Variants in KCTD8 observed in about 807,000 individuals in gnomAD.
The protein encoded by KCTD8 is potassium channel tetramerization domain containing 8.
Under a neutral mutation model 31.5 loss-of-function variants are expected in KCTD8, and 27 were observed. That is an observed-to-expected ratio of 0.86 (90% CI 0.63 to 1.18). The LOEUF (loss-of-function observed/expected upper bound fraction) is 1.18, where lower values mean the gene tolerates loss of function less well. Ranked by LOEUF, KCTD8 falls within the 50% of genes most tolerant of loss-of-function variation. The pLI is 0.00. For synonymous variants in KCTD8, 290 were observed against 280.0 expected, an observed-to-expected ratio of 1.04 and a Z score of -0.36; for missense variants, 658 against 647.7, an observed-to-expected ratio of 1.02 and a Z score of -0.17.
At chr4:44,306,363 C>T (rs1003887362) in intron 1 of KCTD8, among the ~76,000 whole-genome samples, 12 of 151,946 alleles carry the variant, frequency 7.9e-5, no homozygotes, top group Admixed American at 6.6e-4. Flanking sequence ...TGTTAAATGA[C>T]TTAACAAAGT....
intron 1 of KCTD8, among the ~76,000 whole-genome samples, chr4:44,350,744 G>A (rs1577630610): frequency 1.3e-5 from 2 of 152,008 alleles, no homozygotes; most frequent in Admixed American, 6.6e-5. Flanking sequence ...AATGTAAAAT[G>A]GCATTTAATG....
chr4:44,224,423 C>G (rs1199460768), intron 1 of KCTD8, among the ~76,000 whole-genome samples: 1 of 152,230 alleles, frequency 6.6e-6, no homozygotes, highest in Non-Finnish European at 1.5e-5. Flanking sequence ...ATTATACAAT[C>G]TCTATCACTG....
chr4:44,287,315 A>T (rs934199792), intron 1 of KCTD8, among the ~76,000 whole-genome samples: 9 of 152,282 alleles, frequency 5.9e-5, no homozygotes, highest in African/African-American at 2.2e-4. Flanking sequence ...TCATACATAC[A>T]ATACTGTTTC....
chr4:44,297,480 T>A (rs1370693010), intron 1 of KCTD8, among the ~76,000 whole-genome samples: 1 of 152,070 alleles, frequency 6.6e-6, no homozygotes, highest in African/African-American at 2.4e-5. Context: ...TAAAATAGCA[T>A]CTTACAATCA....
At chr4:44,300,715 C>A (rs187787662) in intron 1 of KCTD8, among the ~76,000 whole-genome samples, 3 of 151,842 alleles carry the variant, frequency 2.0e-5, no homozygotes, top group East Asian at 1.9e-4. Flanking sequence ...TCAATAAGAA[C>A]TCTTTTTTTT....
intron 1 of KCTD8, among the ~76,000 whole-genome samples, chr4:44,201,964 C>G (rs1215525994): frequency 6.6e-6 from 1 of 151,998 alleles, no homozygotes; most frequent in Non-Finnish European, 1.5e-5. Context: ...CAAATAACTG[C>G]TTTAAAGAAT....
chr4:44,437,534 G>A (rs955978275), intron 1 of KCTD8, among the ~76,000 whole-genome samples: 1 of 152,050 alleles, frequency 6.6e-6, no homozygotes. Context: ...TAGTTTTTAT[G>A]TTTCTGATTT....
In KCTD8 at chr4:44,269,161, C is replaced by A. The variant is rs183380611; in HGVS notation, c.962-93911G>T. ...AACTATACTACAAGGCTGCAGTAAC[C>A]AAAACAGCATGGTACTGATACCAAA... On this transcript the variant is annotated intron_variant, in intron 1 of 1. Transcript: ENST00000360029. Among the ~76,000 whole-genome samples the A allele has an allele frequency of 9.3e-3, 1,414 of 152,206 alleles. 18 individuals carry two copies. Among genetic ancestry groups the A allele is most frequent in the African/African-American group, 0.032 (1,318 of 41,510 alleles).
chr4:44,215,199 C>G (rs935869208), intron 1 of KCTD8, among the ~76,000 whole-genome samples: 2 of 152,198 alleles, frequency 1.3e-5, no homozygotes, highest in African/African-American at 2.4e-5. Context: ...GTCTCCTGTA[C>G]AGCTAGCTCT....
chr4:44,351,853 T>C (rs1030544426), intron 1 of KCTD8, among the ~76,000 whole-genome samples: 2 of 152,174 alleles, frequency 1.3e-5, no homozygotes, highest in African/African-American at 4.8e-5. Flanking sequence ...TATTTATTTA[T>C]TCTTTATTAA....
At chr4:44,409,756 A>G (rs1208445580) in intron 1 of KCTD8, among the ~76,000 whole-genome samples, 1 of 149,376 alleles carries the variant, frequency 6.7e-6, no homozygotes, top group African/African-American at 2.5e-5. Context: ...AAACAACTGA[A>G]CAGCCCTCAT....
chr4:44,327,948 T>G (rs1487251327), intron 1 of KCTD8, among the ~76,000 whole-genome samples: 1 of 151,918 alleles, frequency 6.6e-6, no homozygotes, highest in Non-Finnish European at 1.5e-5. Context: ...CTTAAAATAC[T>G]AACTTCCAAA....
intron 1 of KCTD8, among the ~76,000 whole-genome samples, chr4:44,241,216 A>G (rs1278152609): frequency 4.6e-5 from 7 of 152,238 alleles, no homozygotes; most frequent in African/African-American, 1.7e-4. Flanking sequence ...AAACAATATC[A>G]CATTTACAAC....
rs535578805 is a variant in KCTD8, at chr4:44,188,016, A to T, written c.962-12766T>A. On this transcript the variant is annotated intron_variant, in intron 1 of 1. Transcript: ENST00000360029. ...ATATATATATACATGCACACACAAA[A>T]AAAAAACAGTCTAACACTCTTGTGT... 1.1e-3 allele frequency among the ~76,000 whole-genome samples: 173 copies of T among 152,058 alleles called. 2 individuals are homozygous for T. The highest frequency in any genetic ancestry group is 7.8e-4 in the Non-Finnish European group (53 of 67,960).
At chr4:44,378,336 A>C (rs1468739609) in intron 1 of KCTD8, among the ~76,000 whole-genome samples, 2 of 150,426 alleles carry the variant, frequency 1.3e-5, no homozygotes, top group Admixed American at 6.7e-5. Flanking sequence ...ACTGAATAGC[A>C]TGTTATGAGA....
At chr4:44,339,764 G>C (rs1718848338) in intron 1 of KCTD8, among the ~76,000 whole-genome samples, 1 of 152,158 alleles carries the variant, frequency 6.6e-6, no homozygotes, top group East Asian at 1.9e-4. Flanking sequence ...TACTTTGAAA[G>C]AATTTAAATT....
At chr4:44,253,056 C>T (rs182639124) in intron 1 of KCTD8, among the ~76,000 whole-genome samples, 2 of 151,828 alleles carry the variant, frequency 1.3e-5, no homozygotes, top group East Asian at 3.9e-4. Flanking sequence ...AAGTTCCATA[C>T]ATATTGTAAC....
chr4:44,288,112 G>C (rs1235137661), intron 1 of KCTD8, among the ~76,000 whole-genome samples: 1 of 152,038 alleles, frequency 6.6e-6, no homozygotes, highest in Non-Finnish European at 1.5e-5. Flanking sequence ...CTTCAAGCTT[G>C]TGTGCTAGAG....
chr4:44,361,197 C>T (rs1719486596), intron 1 of KCTD8, among the ~76,000 whole-genome samples: 1 of 144,542 alleles, frequency 6.9e-6, no homozygotes, highest in African/African-American at 2.5e-5. Flanking sequence ...GCTATAAAAT[C>T]AGTTTTCCTT....
Sources: allele counts gnomAD v4.1 joint callset (sites outside exome capture counted in the v4.1 genomes callset), GRCh38; gene constraint gnomAD v4.1.1; transcripts MANE v1.5; gene names NCBI Gene and HGNC (gene_info 2026-07-23, HGNC 2026-07-21).